Variants in ADD3 observed in about 807,000 individuals in gnomAD.
ADD3 encodes the protein adducin 3.
Under a neutral mutation model 80.2 loss-of-function variants are expected in ADD3, and 25 were observed. That is an observed-to-expected ratio of 0.31 (90% CI 0.23 to 0.44). The LOEUF is 0.44. Among genes scored for constraint, ADD3 ranks in the 20% least tolerant of loss-of-function variants. ADD3 has a pLI of 1.00. For missense variants in ADD3, 829 were observed against 847.5 expected (o/e 0.98, Z 0.27); for synonymous variants, 284 against 289.6 (o/e 0.98, Z 0.20).
intron 1 of ADD3, among the ~76,000 whole-genome samples, chr10:110,034,624 A>G (rs1299966748): frequency 2.0e-5 from 3 of 152,154 alleles, no homozygotes; most frequent in Non-Finnish European, 4.4e-5. Flanking sequence ...GAGACTCTCA[A>G]CCTAGACAAT....
At chr10:110,047,693 G>C (rs1165391247) in intron 1 of ADD3, among the ~76,000 whole-genome samples, 3 of 152,138 alleles carry the variant, frequency 2.0e-5, no homozygotes, top group Non-Finnish European at 4.4e-5. Context: ...ATAGTTATAG[G>C]AAAAAGTCTC....
intron 2 of ADD3, chr10:110,106,057 A>C (rs2133994009): frequency 6.6e-6 from 1 of 152,216 alleles, no homozygotes; most frequent in East Asian, 1.9e-4. Context: ...ATTCTAAGTA[A>C]GTTTGTTATG....
At chr10:110,109,676 A>G (rs1389081578) in intron 2 of ADD3, among the ~76,000 whole-genome samples, 1 of 152,218 alleles carries the variant, frequency 6.6e-6, no homozygotes, top group Non-Finnish European at 1.5e-5. Flanking sequence ...TGAAGGGAAG[A>G]TAGAGTTCCA....
In ADD3 at chr10:110,125,863, G is replaced by A; in HGVS notation, c.1439G>A (p.Gly480Glu). 5.6e-6 allele frequency: 9 copies of A among 1,609,864 alleles called. No individual in the cohort carries two copies. Among genetic ancestry groups the A allele is most frequent in the Non-Finnish European group, 7.6e-6 (9 of 1,177,166 alleles). ...KAEDSSKVSG[G>E]TPIKIEDPNQ... The stretch of plus-strand genomic sequence containing the variant: ...GAAGACTCATCTAAAGTTAGTGGTG[G>A]AACACCTATCAAAATTGAAGATCCA... Residue 480 changes from glycine to glutamate, a missense_variant, in exon 11 of 15, where the codon GGA becomes GAA. Physicochemically the swap from Gly to Glu is moderately conservative, Grantham distance 98. Transcript: ENST00000356080.
At chr10:110,004,781 C>T (rs185042379), upstream of ADD3, among the ~76,000 whole-genome samples, 23 of 152,220 alleles carry the variant, frequency 1.5e-4, no homozygotes, top group African/African-American at 5.1e-4. Context: ...ATTTTGAGAT[C>T]ACACCTCTTC....
chr10:110,046,233 A>G (rs1856892472), intron 1 of ADD3, among the ~76,000 whole-genome samples: 1 of 152,190 alleles, frequency 6.6e-6, no homozygotes, highest in Non-Finnish European at 1.5e-5. Flanking sequence ...AATACAGTAC[A>G]GTACCGTAAA....
At chr10:110,120,181 G>A (rs1309123067) in intron 8 of ADD3, among the ~76,000 whole-genome samples, 6 of 147,234 alleles carry the variant, frequency 4.1e-5, no homozygotes, top group Admixed American at 6.8e-5. Context: ...CCACCAACTC[G>A]TCATCTAGCA....
Position 110,019,014 on chromosome 10 carries a change from G to T in ADD3, c.-30+10715G>T, listed in dbSNP as rs117032395. Among the ~76,000 whole-genome samples the T allele has an allele frequency of 4.7e-4, 72 of 152,248 alleles. 3 individuals are homozygous for T. In the East Asian group the frequency reaches 0.012, roughly 26 times the overall value. ...TTTAGGAATCCTCATCATTCCCAGC[G>T]CTGGACAAGGAAAGCCTCATTTTGG... is the stretch of plus-strand genomic sequence containing the variant. On this transcript the variant is annotated intron_variant, in intron 1 of 14. Transcript: ENST00000356080.
chr10:110,017,792 T>C (rs751487118), intron 1 of ADD3, among the ~76,000 whole-genome samples: 9 of 152,222 alleles, frequency 5.9e-5, no homozygotes, highest in Non-Finnish European at 1.2e-4. Context: ...TAAAACTTCA[T>C]TGAATCCATG....
At chr10:110,072,123 G>T (rs1486455350) in intron 1 of ADD3, among the ~76,000 whole-genome samples, 1 of 152,136 alleles carries the variant, frequency 6.6e-6, no homozygotes, top group Non-Finnish European at 1.5e-5. Context: ...GCGCAGTGGC[G>T]CAATCTCGGC....
intron 1 of ADD3, among the ~76,000 whole-genome samples, chr10:110,026,674 G>T (rs1377767456): frequency 2.6e-5 from 4 of 152,138 alleles, no homozygotes; most frequent in Non-Finnish European, 5.9e-5. Flanking sequence ...GTTTAAACTG[G>T]TTGGAGTCTG....
At chr10:110,058,200 TCTTTTGCAAATAAAGGCAG>T (rs1374592605) in intron 1 of ADD3, among the ~76,000 whole-genome samples, 1 of 152,164 alleles carries the variant, frequency 6.6e-6, no homozygotes, top group Non-Finnish European at 1.5e-5. Context: ...GAGGGAGATT[TCTTTTGCAAATAAAGGCAG>T]CACTCTGTCT....
chr10:110,133,431 G>T lies in ADD3; in HGVS notation c.1934G>T (p.Arg645Leu). The T allele has an allele frequency of 1.2e-6, 2 of 1,613,796 alleles. No homozygotes were observed. The highest frequency in any genetic ancestry group is 1.7e-6 in the Non-Finnish European group (2 of 1,179,800). The change falls in exon 15 of 15, where the codon CGA becomes CTA. Residue 645 changes from arginine (R) to leucine (L), a missense_variant. Physicochemically the swap from Arg to Leu is moderately radical, Grantham distance 102. Coordinates refer to ENST00000356080, the MANE Select transcript of ADD3 (RefSeq NM_016824.5). ...GATGTTGAAGATGAGCTTGCTAAGCGAGTGAGTAGGTTAAGCACAAGTACA... is the reference window on the plus strand; with the variant it reads ...GATGTTGAAGATGAGCTTGCTAAGCTAGTGAGTAGGTTAAGCACAAGTACA... ...MHDVEDELAK[R>L]VSRLSTSTTI...
At chr10:110,072,090 C>G (rs1844787812) in intron 1 of ADD3, among the ~76,000 whole-genome samples, 1 of 152,286 alleles carries the variant, frequency 6.6e-6, no homozygotes, top group South Asian at 2.1e-4. Flanking sequence ...TAGACGGAGT[C>G]TCTCTCTGTC....
In ADD3 at chr10:110,100,812, G is replaced by T. The variant is rs1848729978; in HGVS notation, c.159G>T (p.Glu53Asp). Residue 53 changes from glutamate to aspartate, a missense_variant, in exon 2 of 15, where the codon GAG becomes GAT. By Grantham distance (45) the Glu-to-Asp change is conservative. Coordinates refer to ENST00000356080, the MANE Select transcript of ADD3 (RefSeq NM_016824.5). ...PDLRQDFNMM[E>D]QRKRVTQILQ... ...TACGACAAGACTTCAACATGATGGA[G>T]CAGAGGAAACGAGTTACTCAGATCC... 6.2e-7 allele frequency: 1 copy of T among 1,611,506 alleles called. No individual in the cohort carries two copies. Among genetic ancestry groups the T allele is most frequent in the South Asian group, 1.1e-5 (1 of 90,684 alleles).
intron 1 of ADD3, among the ~76,000 whole-genome samples, chr10:110,099,541 G>A (rs973551594): frequency 5.3e-5 from 8 of 151,986 alleles, no homozygotes; most frequent in African/African-American, 1.9e-4. Context: ...AGAAAATATC[G>A]GAATATACCA....
At chr10:110,087,674 T>G (rs1220779976) in intron 1 of ADD3, among the ~76,000 whole-genome samples, 2 of 152,236 alleles carry the variant, frequency 1.3e-5, no homozygotes, top group East Asian at 3.8e-4. Context: ...TTTTGACGAT[T>G]TGTTATTTCT....
intron 1 of ADD3, among the ~76,000 whole-genome samples, chr10:110,054,343 A>C (rs902527822): frequency 6.6e-6 from 1 of 152,136 alleles, no homozygotes; most frequent in African/African-American, 2.4e-5. Flanking sequence ...TGTGTGTAAT[A>C]CAGGGAGTCT....
chr10:109,997,027 C>T (rs1851394123), intron 1 of ADD3, among the ~76,000 whole-genome samples: 1 of 152,148 alleles, frequency 6.6e-6, no homozygotes. Flanking sequence ...ATATTTCAAG[C>T]AACTGAGGTC....
Sources: gnomAD v4.1 joint callset for allele counts (sites outside exome capture counted in the v4.1 genomes callset) on GRCh38, gnomAD v4.1.1 for gene constraint, MANE v1.5 for transcripts, NCBI Gene and HGNC (gene_info 2026-07-23, HGNC 2026-07-21) for gene names.